SCRG1: variants seen among roughly 807,000 people sequenced by gnomAD.
SCRG1 encodes scrapie-responsive protein 1.
SCRG1 carries 3 observed loss-of-function variants against 7.7 expected under a neutral mutation model. The ratio of observed to expected loss-of-function variants is 0.39; its 90% CI spans 0.18 to 1.01. The LOEUF (loss-of-function observed/expected upper bound fraction) is 1.01. Ranked by LOEUF, SCRG1 falls within the 50% of genes least tolerant of loss-of-function variation. The probability of loss-of-function intolerance (pLI) is 0.36; values close to 1 mark genes in which losing one functional copy is unlikely to be tolerated. For synonymous variants in SCRG1, 46 were observed against 41.2 expected, an observed-to-expected ratio of 1.12 and a Z score of -0.44; for missense variants, 110 against 117.2, an observed-to-expected ratio of 0.94 and a Z score of 0.28.
the SCRG1 span, among the ~76,000 whole-genome samples, chr4:173,518,164 A>G: frequency 7.2e-5 from 11 of 152,278 alleles, no homozygotes; most frequent in African/African-American, 2.6e-4. Flanking sequence ...GAACACTCCA[A>G]GTTCCACAGT....
chr4:173,474,309 TTTTGTA>T, the SCRG1 span, among the ~76,000 whole-genome samples: 6 of 152,364 alleles, frequency 3.9e-5, no homozygotes, highest in South Asian at 8.3e-4. Context: ...CATCCTTTGC[TTTTGTA>T]TATTTTTGTG....
intron 2 of SCRG1, among the ~76,000 whole-genome samples, chr4:173,390,870 T>C (rs1169080625): frequency 6.6e-6 from 1 of 152,198 alleles, no homozygotes; most frequent in Non-Finnish European, 1.5e-5. Flanking sequence ...CTTCTGCTAC[T>C]GGTAGATTTT....
At chr4:173,502,691 G>C in the SCRG1 span, among the ~76,000 whole-genome samples, 2 of 152,180 alleles carry the variant, frequency 1.3e-5, no homozygotes, top group Non-Finnish European at 2.9e-5. The surrounding 1 kb of genome is among the most constrained non-coding windows in gnomAD (Gnocchi z 4.6). Context: ...CACCTGCCAG[G>C]TGACACCAAG....
rs1041557901 is a variant in SCRG1 at position 173,396,197 on chromosome 4, A to G, written c.-15+2871T>C. Among the ~76,000 whole-genome samples, 2 of 152,250 alleles carry G rather than the reference A, an allele frequency of 1.3e-5. 1 individual carries two copies. The highest frequency in any genetic ancestry group is 1.3e-4 in the Admixed American group (2 of 15,288). On this transcript the variant is annotated intron_variant, in intron 1 of 2. Coordinates refer to ENST00000296506, the MANE Select transcript of SCRG1 (RefSeq NM_007281.4). ...AAGGAGCCAATTTTGGGGGGAATCC[A>G]GAAATGAGTTTTTAGACAAGTTAGG...
At chr4:173,467,125 A>T in the SCRG1 span, among the ~76,000 whole-genome samples, 1 of 152,162 alleles carries the variant, frequency 6.6e-6, no homozygotes, top group Non-Finnish European at 1.5e-5. Context: ...TTCCCCATGG[A>T]ATGTACAACC....
At chr4:173,404,627 T>C (rs562483385) in intron 1 of SCRG1, among the ~76,000 whole-genome samples, 2 of 152,298 alleles carry the variant, frequency 1.3e-5, no homozygotes, top group East Asian at 3.9e-4. Context: ...CATTCATAAT[T>C]ATTTATTGTG....
At chr4:173,438,189 C>T in the SCRG1 span, among the ~76,000 whole-genome samples, 3 of 152,132 alleles carry the variant, frequency 2.0e-5, no homozygotes, top group Non-Finnish European at 4.4e-5. Flanking sequence ...GATCTGGGCT[C>T]ACTGCAGTAT....
chr4:173,416,911 AAC>A, the SCRG1 span, among the ~76,000 whole-genome samples: 5,520 of 125,084 alleles, frequency 0.044, 266 homozygotes, highest in Non-Finnish European at 0.051. Context: ...CACACACCCA[AAC>A]ACACACACAC....
Position 173,388,243 on chromosome 4 carries a change from C to A in SCRG1, c.*98G>T. 3.0e-6 allele frequency: 2 copies of A among 663,708 alleles called. No individual in the cohort carries two copies. Among genetic ancestry groups the A allele is most frequent in the South Asian group, 2.8e-5 (1 of 36,018 alleles). The allele number at this position is 663,708 out of a possible 1,614,324, so 41.1% of individuals were successfully genotyped here. On this transcript the variant is annotated 3_prime_UTR_variant, in exon 3 of 3. Coordinates refer to ENST00000296506, the MANE Select transcript of SCRG1 (RefSeq NM_007281.4). Reference sequence around the variant, plus strand: ...CAAGTAAGAATTTATAGAATCTATGCTCTATTGCACTATATAGAAACTAGA... The same window carrying A: ...CAAGTAAGAATTTATAGAATCTATGATCTATTGCACTATATAGAAACTAGA...
At chr4:173,476,225 C>T in the SCRG1 span, among the ~76,000 whole-genome samples, 6 of 151,174 alleles carry the variant, frequency 4.0e-5, no homozygotes, top group African/African-American at 1.5e-4. Context: ...GGTGGGCAAG[C>T]ATGAGAGGCA....
At chr4:173,482,061 A>G in the SCRG1 span, among the ~76,000 whole-genome samples, 1 of 152,094 alleles carries the variant, frequency 6.6e-6, no homozygotes, top group Non-Finnish European at 1.5e-5. Flanking sequence ...TTTGACTTAC[A>G]TTATCTTGAT....
At chr4:173,419,919 A>G in the SCRG1 span, 4 of 816,318 alleles carry the variant, frequency 4.9e-6, no homozygotes, top group Non-Finnish European at 8.4e-6. Flanking sequence ...TTCACACCAT[A>G]TTTTGTGCAG....
the SCRG1 span, among the ~76,000 whole-genome samples, chr4:173,475,718 A>G: frequency 5.8e-4 from 89 of 152,332 alleles, no homozygotes; most frequent in African/African-American, 1.9e-3. Flanking sequence ...ATGAAAGGAT[A>G]AAGAAAACAT....
chr4:173,434,019 C>A, the SCRG1 span, among the ~76,000 whole-genome samples: 1 of 152,202 alleles, frequency 6.6e-6, no homozygotes, highest in African/African-American at 2.4e-5. Flanking sequence ...AATAAACTTC[C>A]CATATCAAAT....
chr4:173,454,468 A>G, the SCRG1 span, among the ~76,000 whole-genome samples: 1 of 152,206 alleles, frequency 6.6e-6, no homozygotes, highest in African/African-American at 2.4e-5. Context: ...TTTTTTCCAC[A>G]TGGGATATAT....
At chr4:173,493,886 A>C in the SCRG1 span, among the ~76,000 whole-genome samples, 5 of 152,164 alleles carry the variant, frequency 3.3e-5, no homozygotes, top group Non-Finnish European at 5.9e-5. Context: ...TTTTTGTTTG[A>C]TGATTTTGGT....
At chr4:173,407,442 G>A (rs1739938754), upstream of SCRG1, among the ~76,000 whole-genome samples, 1 of 151,832 alleles carries the variant, frequency 6.6e-6, no homozygotes, top group Admixed American at 6.6e-5. Flanking sequence ...GGCTGAGGCA[G>A]AAGAATCACT....
upstream of SCRG1, chr4:173,399,140 C>T (rs1199378414): frequency 6.6e-6 from 1 of 152,082 alleles, no homozygotes. Context: ...TGAGTTTGGG[C>T]AAAAGGAGAA....
the SCRG1 span, among the ~76,000 whole-genome samples, chr4:173,454,521 A>C: frequency 2.0e-5 from 3 of 152,222 alleles, no homozygotes; most frequent in Non-Finnish European, 4.4e-5. Context: ...AAAGAGTACC[A>C]AGGCAAACTT....
Sources: gnomAD v4.1 joint callset for allele counts (sites outside exome capture counted in the v4.1 genomes callset) on GRCh38, gnomAD v4.1.1 for gene constraint, Gnocchi (gnomAD v3.1) non-coding constraint, MANE v1.5 for transcripts, NCBI Gene and HGNC (gene_info 2026-07-23, HGNC 2026-07-21) for gene names.